Variants in NDST3 observed in about 807,000 individuals in gnomAD.
NDST3 encodes bifunctional heparan sulfate N-deacetylase/N-sulfotransferase 3.
A neutral mutation model predicts 96.1 loss-of-function variants in NDST3; 58 were observed. That is an observed-to-expected ratio of 0.60 (90% CI 0.49 to 0.75). NDST3 has a LOEUF of 0.75. Among genes scored for constraint, NDST3 ranks in the 30% least tolerant of loss-of-function variants. The pLI is 0.00. For missense variants in NDST3, 788 were observed against 1,034.2 expected (o/e 0.76, Z 3.27); for synonymous variants, 333 against 359.7 (o/e 0.93, Z 0.84).
intron 10 of NDST3, among the ~76,000 whole-genome samples, 194 bp from the exon 11 acceptor site, chr4:118,240,330 A>G (rs1578861396): frequency 6.6e-6 from 1 of 152,200 alleles, no homozygotes; most frequent in African/African-American, 2.4e-5. Flanking sequence ...TCAAAAATTT[A>G]CTCCCATAAG....
intron 4 of NDST3, among the ~76,000 whole-genome samples, chr4:118,120,554 T>C (rs2125873243): frequency 6.6e-6 from 1 of 152,154 alleles, no homozygotes; most frequent in South Asian, 2.1e-4. Flanking sequence ...CAGAGGAGGG[T>C]AGGAGCTCTG....
chr4:118,221,288 A>G (rs1057211875), intron 6 of NDST3, among the ~76,000 whole-genome samples: 10 of 152,058 alleles, frequency 6.6e-5, no homozygotes, highest in African/African-American at 2.4e-4. Context: ...AATGAGCAGC[A>G]TATTTATATT....
intron 6 of NDST3, among the ~76,000 whole-genome samples, chr4:118,220,851 A>G (rs1739491591): frequency 6.6e-6 from 1 of 152,086 alleles, no homozygotes; most frequent in South Asian, 2.1e-4. Flanking sequence ...CTTGCTTTTA[A>G]AATGTGTTTA....
At chr4:118,191,312 T>G (rs1343890311) in intron 6 of NDST3, among the ~76,000 whole-genome samples, 1 of 152,224 alleles carries the variant, frequency 6.6e-6, no homozygotes, top group South Asian at 2.1e-4. Context: ...GAGTTTCTAA[T>G]GTACATAGGC....
chr4:118,108,372 C>T (rs1486164237), intron 3 of NDST3, among the ~76,000 whole-genome samples: 1 of 152,106 alleles, frequency 6.6e-6, no homozygotes, highest in Non-Finnish European at 1.5e-5. Context: ...TGAATAAACA[C>T]ATAAGTAATT....
intron 6 of NDST3, among the ~76,000 whole-genome samples, chr4:118,203,858 T>A (rs550950938): frequency 6.6e-6 from 1 of 152,272 alleles, no homozygotes; most frequent in South Asian, 2.1e-4. Context: ...ACTTAGCCAA[T>A]AATTTTTTCC....
chr4:118,204,994 G>T (rs1738341400), intron 6 of NDST3, among the ~76,000 whole-genome samples: 1 of 144,334 alleles, frequency 6.9e-6, no homozygotes, highest in African/African-American at 2.6e-5. Flanking sequence ...TTATATTAAA[G>T]TTGCTTTTTA....
At position 118,054,010 on chromosome 4, in the gene NDST3, T is replaced by C; in HGVS notation, c.100T>C (p.Tyr34His). The change falls in exon 2 of 14, where the codon TAC (tyrosine) becomes CAC (histidine). Residue 34 changes from tyrosine (Y) to histidine (H), a missense_variant. Tyr to His is a moderately conservative substitution (Grantham distance 83). This residue lies in a region of NDST3 where 234 missense variants were observed against 256.9 expected (regional missense o/e 0.91). Transcript: ENST00000296499. ...VSIIISAYYL[Y>H]SGYKQENELS... ...CATTATCATTTCTGCTTACTACCTG[T>C]ACAGTGGCTACAAACAGGAAAATGA... 4 of 1,612,890 alleles carry C rather than the reference T, an allele frequency of 2.5e-6. No individual in the cohort carries two copies. The highest frequency in any genetic ancestry group is 3.4e-6 in the Non-Finnish European group (4 of 1,179,188).
intron 2 of NDST3, among the ~76,000 whole-genome samples, chr4:118,067,691 G>C (rs1390562598): frequency 6.6e-6 from 1 of 152,106 alleles, no homozygotes; most frequent in African/African-American, 2.4e-5. Flanking sequence ...CAGAGCCTCT[G>C]AAGAGGCCTA....
chr4:118,162,739 A>C (rs1317027385), intron 6 of NDST3, among the ~76,000 whole-genome samples: 2 of 146,658 alleles, frequency 1.4e-5, no homozygotes, highest in Non-Finnish European at 3.0e-5. Context: ...CAAAAGACAA[A>C]ATTGACAAAT....
intron 4 of NDST3, among the ~76,000 whole-genome samples, chr4:118,126,350 C>T (rs1032701356): frequency 1.3e-5 from 2 of 151,844 alleles, no homozygotes; most frequent in Non-Finnish European, 2.9e-5. Flanking sequence ...TTATATATCA[C>T]AAATAAGTGA....
intron 11 of NDST3, 106 bp downstream of exon 11, chr4:118,240,800 T>C: frequency 9.3e-7 from 1 of 1,071,144 alleles, no homozygotes; most frequent in Non-Finnish European, 1.3e-6. Flanking sequence ...TAGTTTTTCC[T>C]CTTTAGTTGT....
At chr4:118,122,115 A>T (rs1488412365) in intron 4 of NDST3, among the ~76,000 whole-genome samples, 3 of 152,208 alleles carry the variant, frequency 2.0e-5, no homozygotes, top group Admixed American at 6.5e-5. Context: ...AATTTAGCAC[A>T]TGTACTGCAT....
At chr4:118,221,980 C>A (rs1434197679) in intron 6 of NDST3, among the ~76,000 whole-genome samples, 1 of 143,686 alleles carries the variant, frequency 7.0e-6, no homozygotes, top group Non-Finnish European at 1.6e-5. Flanking sequence ...TTATTTTGAT[C>A]AATTTTCCAT....
chr4:118,200,587 T>G lies in NDST3; in HGVS notation c.1540-23904T>G, dbSNP rs1608505. On this transcript the variant is annotated intron_variant, in intron 6 of 13. Transcript: ENST00000296499. ...TATAAACTTTTTATCCAGGATAGCT[T>G]TCTTTTTTGTCTTTGGGACAGTATT... 9.3e-3 allele frequency among the ~76,000 whole-genome samples: 1,423 copies of G among 152,328 alleles called. 26 individuals are homozygous for G. Among genetic ancestry groups the G allele is most frequent in the Middle Eastern group, 0.082 (24 of 294 alleles).
chr4:118,232,023 A>G (rs971181593), intron 8 of NDST3, among the ~76,000 whole-genome samples: 3 of 152,174 alleles, frequency 2.0e-5, no homozygotes, highest in South Asian at 2.1e-4. Context: ...TCTATAAGTT[A>G]TGTCGCTAAG....
chr4:118,052,829 T>C (rs1207224515), intron 1 of NDST3, among the ~76,000 whole-genome samples: 2 of 152,026 alleles, frequency 1.3e-5, no homozygotes, highest in Admixed American at 6.6e-5. Flanking sequence ...CATGTTTCTT[T>C]CTTATTATTT....
intron 4 of NDST3, among the ~76,000 whole-genome samples, chr4:118,131,326 G>T (rs552495009): frequency 6.6e-6 from 1 of 152,026 alleles, no homozygotes; most frequent in East Asian, 1.9e-4. Flanking sequence ...CAAATAGGCT[G>T]TCTTCAAGTT....
chr4:118,152,344 T>TA (rs1366798700), intron 6 of NDST3, among the ~76,000 whole-genome samples: 1 of 152,172 alleles, frequency 6.6e-6, no homozygotes, highest in East Asian at 1.9e-4. Flanking sequence ...CAGAAAGTAA[T>TA]ATTACTTCAA....
Sources: allele counts gnomAD v4.1 joint callset (sites outside exome capture counted in the v4.1 genomes callset), GRCh38; gene constraint gnomAD v4.1.1; regional missense constraint gnomAD v4.1.1; transcripts MANE v1.5; gene names NCBI Gene and HGNC (gene_info 2026-07-23, HGNC 2026-07-21).